CCSER2: variants seen among roughly 807,000 people sequenced by gnomAD.
CCSER2 encodes serine-rich coiled-coil domain-containing protein 2.
In CCSER2, 46 loss-of-function variants were observed where a neutral mutation model predicts 92.3. The ratio of observed to expected loss-of-function variants is 0.50; its 90% CI spans 0.39 to 0.64. The LOEUF is 0.64. Ranked by LOEUF, CCSER2 falls within the 30% of genes least tolerant of loss-of-function variation. CCSER2 has a pLI of 0.00. For missense variants in CCSER2, 1,244 were observed against 1,238.9 expected, an observed-to-expected ratio of 1.00 and a Z score of -0.06; for synonymous variants, 433 against 431.4, an observed-to-expected ratio of 1.00 and a Z score of -0.04.
intron 6 of CCSER2, among the ~76,000 whole-genome samples, chr10:84,446,404 T>G (rs1844918418): frequency 6.6e-6 from 1 of 152,198 alleles, no homozygotes; most frequent in Non-Finnish European, 1.5e-5. Context: ...ATTCTCCGAT[T>G]CACTGTGTGT....
rs532459199 is a variant in CCSER2, at chr10:84,375,863, CT to C, written c.1614+2060del. On this transcript the variant is annotated intron_variant, in intron 3 of 9. Coordinates refer to ENST00000372088, the MANE Select transcript of CCSER2 (RefSeq NM_001284240.2). ...TTGCTTTTTTTTTCTGTTTCTTTTT[CT>C]TTTTTTTTTTTCCTACAGTGGTTCA... is the stretch of plus-strand genomic sequence containing the variant. Among the ~76,000 whole-genome samples, 404 of 134,936 alleles carry C rather than the reference CT, an allele frequency of 3.0e-3. 1 individual carries two copies. The highest frequency in any genetic ancestry group is 8.8e-3 in the African/African-American group (324 of 36,852). The allele number at this position is 134,936 out of a possible 152,430, so 88.5% of individuals were successfully genotyped here.
intron 3 of CCSER2, among the ~76,000 whole-genome samples, chr10:84,396,386 A>T (rs1235546000): frequency 6.7e-6 from 1 of 148,858 alleles, no homozygotes; most frequent in Non-Finnish European, 1.5e-5. Flanking sequence ...TTTGTTTAGC[A>T]TTTTTTTTTT....
intron 3 of CCSER2, among the ~76,000 whole-genome samples, chr10:84,377,451 A>G (rs1006381023): frequency 2.0e-5 from 3 of 152,206 alleles, no homozygotes; most frequent in Non-Finnish European, 4.4e-5. Context: ...TTTGTCATAA[A>G]TCAGTGACTG....
chr10:84,480,641 C>T (rs559733747), intron 9 of CCSER2, among the ~76,000 whole-genome samples: 11 of 152,066 alleles, frequency 7.2e-5, no homozygotes, highest in South Asian at 2.1e-4. Flanking sequence ...TGAGAGATAA[C>T]GATATATTTA....
At chr10:84,451,262 TTTTTG>T (rs756233725) in intron 6 of CCSER2, among the ~76,000 whole-genome samples, 2 of 149,690 alleles carry the variant, frequency 1.3e-5, no homozygotes, top group Non-Finnish European at 3.0e-5. Context: ...GGGTTTTTTT[TTTTTG>T]TTTTTTGTTT....
intron 1 of CCSER2, among the ~76,000 whole-genome samples, chr10:84,336,410 GA>G (rs1416731045): frequency 6.6e-6 from 1 of 152,234 alleles, no homozygotes; most frequent in Non-Finnish European, 1.5e-5. Flanking sequence ...AGGAAGAGGT[GA>G]AAAGAACATG....
At chr10:84,492,614 T>C (rs915670765) in intron 9 of CCSER2, among the ~76,000 whole-genome samples, 21 of 152,240 alleles carry the variant, frequency 1.4e-4, no homozygotes, top group African/African-American at 5.1e-4. Context: ...ATTTGGGAGA[T>C]GGTTTTTATC....
intron 6 of CCSER2, among the ~76,000 whole-genome samples, chr10:84,441,733 A>ATTTTTTTTTTTTTTTTTTT (rs1564667331): frequency 8.6e-6 from 1 of 115,918 alleles, no homozygotes; most frequent in South Asian, 3.1e-4. Context: ...AGACTGGGAA[A>ATTTTTTTTTTTTTTTTTTT]ATGTTTTTTT....
Position 84,372,465 on chromosome 10 carries a change from C to T in CCSER2, c.1413C>T (p.Val471=), listed in dbSNP as rs1275099951. ...CTGATGAATGGATAGATATAAGTGT[C>T]TCTGGTAAATATTACTTACCTTAAG... ...SKTDEWIDIS[V]SDRSECTKHT... The change falls in exon 2 of 10, where the codon GTC becomes GTT. Residue 471 remains valine (V), a synonymous_variant. Coordinates refer to ENST00000372088, the MANE Select transcript of CCSER2 (RefSeq NM_001284240.2). The T allele has an allele frequency of 3.9e-6, 6 of 1,530,630 alleles. No individual in the cohort carries two copies. The highest frequency in any genetic ancestry group is 3.8e-5 in the South Asian group (3 of 78,374). The allele number at this position is 1,530,630 out of a possible 1,614,324, so 94.8% of individuals were successfully genotyped here.
At chr10:84,511,885 C>A (rs1273549043) in intron 9 of CCSER2, among the ~76,000 whole-genome samples, 3 of 152,102 alleles carry the variant, frequency 2.0e-5, no homozygotes, top group Non-Finnish European at 4.4e-5. Context: ...GTGAAAATAC[C>A]CAGTGACTTT....
At chr10:84,483,821 C>T in intron 9 of CCSER2, among the ~76,000 whole-genome samples, 1 of 141,496 alleles carries the variant, frequency 7.1e-6, no homozygotes, top group African/African-American at 2.6e-5. Context: ...GAATCTCTCT[C>T]TCTTGCCCAG....
Position 84,373,749 on chromosome 10 carries a change from A to T in CCSER2, c.1548A>T (p.Glu516Asp). 1 of 1,613,826 alleles carries T rather than the reference A, an allele frequency of 6.2e-7. No individual in the cohort carries two copies. The highest frequency in any genetic ancestry group is 8.5e-7 in the Non-Finnish European group (1 of 1,179,784). ...SSDGTYMWDE[E>D]GLEPIGNVHP... ...ATGGAACATACATGTGGGATGAAGAAGGCTTGGAACCCATTGGAAATGTCC... is the reference window on the plus strand; with the variant it reads ...ATGGAACATACATGTGGGATGAAGATGGCTTGGAACCCATTGGAAATGTCC... The change falls in exon 3 of 10, where the codon GAA (glutamate) becomes GAT (aspartate). Residue 516 changes from glutamate to aspartate, a missense_variant. Transcript: ENST00000372088.
intron 4 of CCSER2, among the ~76,000 whole-genome samples, chr10:84,422,792 C>T (rs908853698): frequency 2.6e-5 from 4 of 152,134 alleles, no homozygotes; most frequent in East Asian, 1.9e-4. Context: ...CGGTGGCTCA[C>T]GCATGTAATT....
chr10:84,413,106 A>ATTT (rs200646710), intron 3 of CCSER2, among the ~76,000 whole-genome samples: 255 of 133,440 alleles, frequency 1.9e-3, no homozygotes, highest in African/African-American at 6.5e-3. Context: ...GGATTCATTG[A>ATTT]TTTTTTTTTT....
intron 9 of CCSER2, among the ~76,000 whole-genome samples, chr10:84,493,931 C>T (rs1387213540): frequency 6.6e-6 from 1 of 152,144 alleles, no homozygotes; most frequent in Admixed American, 6.5e-5. Context: ...TGATGGGAGA[C>T]AGTGACAGAT....
At chr10:84,430,119 G>A (rs2133456325) in intron 5 of CCSER2, among the ~76,000 whole-genome samples, 1 of 152,210 alleles carries the variant, frequency 6.6e-6, no homozygotes, top group South Asian at 2.1e-4. Flanking sequence ...GGGGCTCTGT[G>A]TGTTTGCTTA....
chr10:84,353,559 A>G (rs1844986486), intron 1 of CCSER2, among the ~76,000 whole-genome samples: 1 of 152,190 alleles, frequency 6.6e-6, no homozygotes, highest in Non-Finnish European at 1.5e-5. Context: ...TACTTCCTGC[A>G]GCCCCATTCA....
At chr10:84,349,635 T>C (rs1399155084) in intron 1 of CCSER2, among the ~76,000 whole-genome samples, 1 of 152,122 alleles carries the variant, frequency 6.6e-6, no homozygotes, top group Non-Finnish European at 1.5e-5. Context: ...CGAACTATGA[T>C]CACCCCACTG....
intron 7 of CCSER2, among the ~76,000 whole-genome samples, chr10:84,466,723 C>T (rs1360677169): frequency 6.6e-6 from 1 of 151,844 alleles, no homozygotes; most frequent in African/African-American, 2.4e-5. Flanking sequence ...CCGTGTTAGC[C>T]AGGATTTTCT....
Sources: gnomAD v4.1 joint callset for allele counts (sites outside exome capture counted in the v4.1 genomes callset) on GRCh38, gnomAD v4.1.1 for gene constraint, MANE v1.5 for transcripts, NCBI Gene and HGNC (gene_info 2026-07-23, HGNC 2026-07-21) for gene names.